Variants in SYT1 observed in about 807,000 individuals in gnomAD.
SYT1 encodes synaptotagmin 1.
Under a neutral mutation model 44.8 loss-of-function variants are expected in SYT1, and 8 were observed. That is an observed-to-expected ratio of 0.18 (90% confidence interval 0.10 to 0.32). The LOEUF (loss-of-function observed/expected upper bound fraction) is 0.32, where lower values mean the gene tolerates loss of function less well. Ranked by LOEUF, SYT1 falls within the 10% of genes least tolerant of loss-of-function variation. The probability of loss-of-function intolerance (pLI) is 1.00; values close to 1 mark genes in which losing one functional copy is unlikely to be tolerated. For synonymous variants in SYT1, 154 were observed against 188.8 expected, an observed-to-expected ratio of 0.82 and a Z score of 1.51; for missense variants, 286 against 509.3, an observed-to-expected ratio of 0.56 and a Z score of 4.22.
chr12:79,449,001 C>A lies in SYT1; in HGVS notation c.1146C>A (p.Asn382Lys), dbSNP rs745849736. The A allele has an allele frequency of 3.1e-6, 5 of 1,614,240 alleles. No individual in the cohort carries two copies. The highest frequency in any genetic ancestry group is 3.4e-6 in the Non-Finnish European group (4 of 1,180,034). The change falls in exon 11 of 11, where the codon AAC (asparagine) becomes AAA (lysine). Residue 382 changes from asparagine (N) to lysine (K), a missense_variant. This residue lies in a region of SYT1 where 34 missense variants were observed against 59.0 expected (regional missense o/e 0.58). Coordinates refer to ENST00000261205, the MANE Select transcript of SYT1 (RefSeq NM_005639.3). ...DAIGKVFVGYNSTGAELRHWS... is the reference protein window; with the variant it reads ...DAIGKVFVGYKSTGAELRHWS... ...TCGGCAAAGTCTTTGTGGGCTACAA[C>A]AGCACCGGCGCGGAGCTGCGACACT...
Position 78,968,258 on chromosome 12 carries a change from C to T in SYT1, c.-216-9541C>T, listed in dbSNP as rs11112102. Among the ~76,000 whole-genome samples, 703 of 152,128 alleles carry T rather than the reference C, an allele frequency of 4.6e-3. 2 individuals carry two copies. The highest frequency in any genetic ancestry group is 7.4e-3 in the Non-Finnish European group (503 of 67,980). On this transcript the variant is annotated intron_variant, in intron 1 of 10. Transcript: ENST00000261205. ...AGCAAGAATTCTTAACCCAAAATCA[C>T]GGATTAGGAGTCTATTAGGTTGTTT...
At chr12:79,043,919 G>A (rs1350477673) in intron 2 of SYT1, among the ~76,000 whole-genome samples, 6 of 152,150 alleles carry the variant, frequency 3.9e-5, no homozygotes, top group Non-Finnish European at 8.8e-5. Context: ...ATTCTGGGTC[G>A]AAAATTGTTT....
intron 7 of SYT1, among the ~76,000 whole-genome samples, chr12:79,298,108 TC>T (rs1879961449): frequency 6.6e-6 from 1 of 152,162 alleles, no homozygotes; most frequent in South Asian, 2.1e-4. Flanking sequence ...ACAAGGTCTG[TC>T]TGACCCCAAG....
chr12:79,407,949 GC>G (rs1885301037), intron 9 of SYT1, among the ~76,000 whole-genome samples: 1 of 152,094 alleles, frequency 6.6e-6, no homozygotes, highest in Non-Finnish European at 1.5e-5. Context: ...TGTTCAAACT[GC>G]CTTCTAACAC....
intron 1 of SYT1, among the ~76,000 whole-genome samples, chr12:78,873,165 GTGT>G (rs1873906575): frequency 6.6e-6 from 1 of 151,596 alleles, no homozygotes; most frequent in African/African-American, 2.4e-5. Flanking sequence ...GGAGACTCAA[GTGT>G]TGTTACTTGC....
At chr12:79,256,540 GTTC>G (rs1198218529) in intron 4 of SYT1, among the ~76,000 whole-genome samples, 1 of 152,136 alleles carries the variant, frequency 6.6e-6, no homozygotes, top group Non-Finnish European at 1.5e-5. Context: ...AATTACATGA[GTTC>G]TATTGAATAT....
At chr12:78,898,812 AT>A (rs1328111388) in intron 1 of SYT1, among the ~76,000 whole-genome samples, 6 of 152,142 alleles carry the variant, frequency 3.9e-5, no homozygotes, top group Admixed American at 3.3e-4. Flanking sequence ...GAGAAATTAT[AT>A]TTTTAATATA....
chr12:78,948,040 A>G (rs940237837), intron 1 of SYT1, among the ~76,000 whole-genome samples: 3 of 151,900 alleles, frequency 2.0e-5, no homozygotes, highest in African/African-American at 7.2e-5. Context: ...TGAACTTAAT[A>G]ATAGTTATGG....
At chr12:79,353,309 C>T (rs1882984542) in intron 8 of SYT1, among the ~76,000 whole-genome samples, 193 bp from the exon 9 acceptor site, 1 of 150,316 alleles carries the variant, frequency 6.7e-6, no homozygotes, top group Non-Finnish European at 1.5e-5. Flanking sequence ...AATAGATGGT[C>T]TTAAAAAAAA....
At chr12:79,359,887 G>C (rs1198435900) in intron 9 of SYT1, among the ~76,000 whole-genome samples, 3 of 152,080 alleles carry the variant, frequency 2.0e-5, no homozygotes, top group Non-Finnish European at 2.9e-5. Context: ...GAGAAACCAT[G>C]AACCAGCAGA....
rs375111197 is a variant in SYT1 at position 78,891,222 on chromosome 12, A to G, written c.-217+26113A>G. Among the ~76,000 whole-genome samples the G allele has an allele frequency of 5.9e-5, 9 of 152,028 alleles. No individual in the cohort carries two copies. In the East Asian group the frequency reaches 1.6e-3, roughly 26 times the overall value. On this transcript the variant is annotated intron_variant, in intron 1 of 10. Transcript: ENST00000261205. ...ACACATAGTTGCTAGCCGCCAACAT[A>G]TAATTTATGGTGTACAAAGCACTTT...
intron 1 of SYT1, among the ~76,000 whole-genome samples, chr12:78,882,572 T>C (rs1464497941): frequency 6.6e-6 from 1 of 151,804 alleles, no homozygotes; most frequent in Non-Finnish European, 1.5e-5. Flanking sequence ...CTGCCAAGAA[T>C]TGGCAAACTC....
At chr12:79,073,893 A>G (rs1876459571) in intron 3 of SYT1, among the ~76,000 whole-genome samples, 1 of 152,144 alleles carries the variant, frequency 6.6e-6, no homozygotes, top group Non-Finnish European at 1.5e-5. Context: ...ACACAAAGCA[A>G]TGTCTGCTGC....
chr12:79,026,699 A>ATCTATC (rs1555190360), intron 2 of SYT1, among the ~76,000 whole-genome samples: 1 of 130,666 alleles, frequency 7.7e-6, no homozygotes, highest in African/African-American at 2.8e-5. Flanking sequence ...ATATATATAT[A>ATCTATC]TATCACACTT....
At chr12:79,282,629 C>A (rs542730735) in intron 4 of SYT1, among the ~76,000 whole-genome samples, 1 of 151,950 alleles carries the variant, frequency 6.6e-6, no homozygotes, top group South Asian at 2.1e-4. Context: ...CTGTTATTTG[C>A]TTCACTGAAT....
At chr12:79,054,341 A>AAT (rs1874769597) in intron 3 of SYT1, among the ~76,000 whole-genome samples, 1 of 152,022 alleles carries the variant, frequency 6.6e-6, no homozygotes, top group Non-Finnish European at 1.5e-5. Context: ...CATCATGCAT[A>AAT]TTTGTCCTTC....
intron 1 of SYT1, among the ~76,000 whole-genome samples, chr12:78,920,916 A>C (rs1273137858): frequency 6.6e-6 from 1 of 151,906 alleles, no homozygotes; most frequent in Non-Finnish European, 1.5e-5. Context: ...ATTAATACTA[A>C]GATCCAGTCC....
intron 1 of SYT1, among the ~76,000 whole-genome samples, chr12:78,933,976 C>T (rs1406999169): frequency 6.6e-6 from 1 of 152,058 alleles, no homozygotes; most frequent in Non-Finnish European, 1.5e-5. Flanking sequence ...TTAAGGGATG[C>T]AGTTTATATG....
intron 3 of SYT1, among the ~76,000 whole-genome samples, chr12:79,097,111 C>G (rs886418060): frequency 6.2e-4 from 95 of 152,062 alleles, no homozygotes; most frequent in South Asian, 1.7e-3. Context: ...GCTTCGATTT[C>G]AGCTACTTAC....
Sources: gnomAD v4.1 joint callset for allele counts (sites outside exome capture counted in the v4.1 genomes callset) on GRCh38, gnomAD v4.1.1 for gene constraint, gnomAD v4.1.1 regional missense constraint, MANE v1.5 for transcripts, NCBI Gene and HGNC (gene_info 2026-07-23, HGNC 2026-07-21) for gene names.